The following KIAA0408 variants were observed in gnomAD, a reference collection of about 807,000 sequenced individuals.
KIAA0408 encodes uncharacterized protein KIAA0408.
KIAA0408 carries 51 observed loss-of-function variants against 60.9 expected under a neutral mutation model. That is an observed-to-expected ratio of 0.84 (90% confidence interval 0.67 to 1.06). The LOEUF (loss-of-function observed/expected upper bound fraction) is 1.06. KIAA0408 is among the 50% of genes least tolerant of loss of function. The probability of loss-of-function intolerance (pLI) is 0.00; values close to 1 mark genes in which losing one functional copy is unlikely to be tolerated. For synonymous variants in KIAA0408, 304 were observed against 282.4 expected (o/e 1.08, Z -0.77); for missense variants, 787 against 833.9 (o/e 0.94, Z 0.69).
chr6:127,453,462 A>G (rs1040158526), intron 2 of KIAA0408, among the ~76,000 whole-genome samples: 4 of 152,028 alleles, frequency 2.6e-5, no homozygotes, highest in Non-Finnish European at 5.9e-5. Flanking sequence ...GGAAAGATCT[A>G]TGTTCTAATG....
In KIAA0408 at chr6:127,453,907, A is replaced by T. The variant is rs1773345951; in HGVS notation, c.75T>A (p.Phe25Leu). Residue 25 changes from phenylalanine (F) to leucine (L), a missense_variant, in exon 2 of 6, where the codon TTT becomes TTA. Phe to Leu is a conservative substitution (Grantham distance 22, BLOSUM62 0). Coordinates refer to ENST00000483725, the MANE Select transcript of KIAA0408 (RefSeq NM_014702.5). ...HKEKMELLDQ[F>L]DNERKEWESQ... ...TTTCCCATTCCTTTCTTTCATTGTC[A>T]AACTGGTCCAGTAATTCCATCTTTT... The T allele has an allele frequency of 3.1e-6, 5 of 1,612,852 alleles. No individual in the cohort carries two copies. In the South Asian group the frequency reaches 5.5e-5, roughly 18 times the overall value.
chr6:127,453,185 T>C (rs1773331502), intron 2 of KIAA0408, among the ~76,000 whole-genome samples: 2 of 152,068 alleles, frequency 1.3e-5, no homozygotes, highest in South Asian at 2.1e-4. Context: ...AGCTTGAATA[T>C]ACATCAATGC....
chr6:127,451,456 C>T (rs371103864), intron 2 of KIAA0408: 7 of 353,292 alleles, frequency 2.0e-5, no homozygotes, highest in Middle Eastern at 4.2e-4. Flanking sequence ...TGAACTTCTG[C>T]GGGCATTATG....
intron 1 of KIAA0408, among the ~76,000 whole-genome samples, chr6:127,458,015 A>G (rs1435591790): frequency 6.6e-6 from 1 of 152,164 alleles, no homozygotes; most frequent in Non-Finnish European, 1.5e-5. Context: ...TTTTCACATA[A>G]TTAAAGATTT....
At chr6:127,444,716 A>G (rs188358604) in intron 5 of KIAA0408, among the ~76,000 whole-genome samples, 282 of 152,214 alleles carry the variant, frequency 1.9e-3, no homozygotes, top group African/African-American at 6.6e-3. Flanking sequence ...TTTAGAGGTG[A>G]TACGCAAAAG....
In KIAA0408 at chr6:127,450,033, G is replaced by A; in HGVS notation, c.455C>T (p.Thr152Ile). The change falls in exon 3 of 6, where the codon ACT becomes ATT. Residue 152 changes from threonine to isoleucine, a missense_variant. Physicochemically the swap from Thr to Ile is moderately conservative, Grantham distance 89. This residue lies in a region of KIAA0408 where 640 missense variants were observed against 681.3 expected (regional missense o/e 0.94). Transcript: ENST00000483725. ...KECEAWPDLR[T>I]SEEDSKSCSG... ...ACAGCTCTTGCTGTCTTCCTCAGAA[G>A]TCCTCAGGTCAGGCCAGGCCTCACA... The A allele has an allele frequency of 1.9e-6, 3 of 1,614,010 alleles. No homozygotes were observed. Among genetic ancestry groups the A allele is most frequent in the Non-Finnish European group, 2.5e-6 (3 of 1,179,970 alleles).
Position 127,446,832 on chromosome 6 carries a change from T to C in KIAA0408, c.1487A>G (p.Lys496Arg). 2 of 1,614,006 alleles carry C rather than the reference T, an allele frequency of 1.2e-6. No homozygotes were observed. The highest frequency in any genetic ancestry group is 2.7e-5 in the African/African-American group (2 of 75,042). The part of the protein sequence containing the change: ...SQSNDVSGIW[K>R]TNAHMPVPME... ...GGGCACAGGCATGTGGGCATTGGTT[T>C]TCCAAATACCGGACACATCGTTACT... The change falls in exon 5 of 6, where the codon AAA becomes AGA. Residue 496 changes from lysine (K) to arginine (R), a missense_variant. Lys to Arg is a conservative substitution (Grantham distance 26, BLOSUM62 2). This residue lies in a region of KIAA0408 where 640 missense variants were observed against 681.3 expected (regional missense o/e 0.94). Transcript: ENST00000483725.
chr6:127,449,901 C>G lies in KIAA0408; in HGVS notation c.499G>C (p.Ala167Pro), dbSNP rs150793663. 1.2e-5 allele frequency: 20 copies of G among 1,613,866 alleles called. No homozygotes were observed. The African/African-American group carries it at 2.1e-4, about 17-fold the overall frequency. Reference sequence around the variant, plus strand: ...CTCACCTTCGCAAGTTCTTCAAGAGCCTTTACACATATAAGCAACAGCCCG... The same window carrying G: ...CTCACCTTCGCAAGTTCTTCAAGAGGCTTTACACATATAAGCAACAGCCCG... ...SKSCSGALST[A>P]LEELAKVSEE... Residue 167 changes from alanine (A) to proline (P), a missense_variant and splice_region_variant, in exon 4 of 6, where the codon GCT becomes CCT. Ala to Pro is a conservative substitution (Grantham distance 27). Coordinates refer to ENST00000483725, the MANE Select transcript of KIAA0408 (RefSeq NM_014702.5).
chr6:127,445,020 T>C (rs936319085), intron 5 of KIAA0408, among the ~76,000 whole-genome samples: 3 of 152,202 alleles, frequency 2.0e-5, no homozygotes, highest in African/African-American at 7.2e-5. Flanking sequence ...CTTTATACAC[T>C]TGGTTCTTAT....
intron 1 of KIAA0408, 105 bp from the exon 2 acceptor site, chr6:127,454,206 G>A: frequency 8.9e-7 from 1 of 1,117,602 alleles, no homozygotes; most frequent in Non-Finnish European, 1.1e-6. Context: ...AGGAAAATTG[G>A]ACTCAAAAGA....
rs1773350002 is a variant in KIAA0408, at chr6:127,454,117, CAA to C, written c.-120-18_-120-17del. The C allele has an allele frequency of 1.5e-6, 2 of 1,356,650 alleles. No homozygotes were observed. The highest frequency in any genetic ancestry group is 2.3e-5 in the South Asian group (1 of 42,928). The allele number at this position is 1,356,650 out of a possible 1,614,324, so 84.0% of individuals were successfully genotyped here. ...AAAATAAAGCCTAATATAAACATAA[CAA>C]GAGAGAGTTCCAAATCCATGTGCTT... On this transcript the variant is annotated splice_polypyrimidine_tract_variant and intron_variant, in intron 1 of 5. Transcript: ENST00000483725.
Position 127,453,984 on chromosome 6 carries a change from C to A in KIAA0408, c.-3G>T, listed in dbSNP as rs778853010. 19 of 1,611,294 alleles carry A rather than the reference C, an allele frequency of 1.2e-5. No individual in the cohort carries two copies. In the Admixed American group the frequency reaches 3.2e-4, roughly 27 times the overall value. On this transcript the variant is annotated 5_prime_UTR_variant, in exon 2 of 6. Transcript: ENST00000483725. The stretch of plus-strand genomic sequence containing the variant: ...TCCCACTGCTTATGTAGGTCCATGG[C>A]AACAGTGTAAGTGTCAGCAAAGAAG...
Position 127,447,629 on chromosome 6 carries a change from T to G in KIAA0408, c.690A>C (p.Glu230Asp). 6.2e-7 allele frequency: 1 copy of G among 1,612,948 alleles called. No homozygotes were observed. The highest frequency in any genetic ancestry group is 2.2e-5 in the East Asian group (1 of 44,860). ...TCAGATTCTTCCTGTTTTTCTGTTT[T>G]TCTTTTTCTAAACTGATTGGAAGAA... ...QCILPISLEK[E>D]KQKNRKNLSC... Residue 230 changes from glutamate (E) to aspartate (D), a missense_variant, in exon 5 of 6, where the codon GAA becomes GAC. By Grantham distance (45) the Glu-to-Asp change is conservative. Around this residue, in one of 3 missense-constraint regions of KIAA0408, gnomAD observed 640 missense variants for 681.3 expected, o/e 0.94. Coordinates refer to ENST00000483725, the MANE Select transcript of KIAA0408 (RefSeq NM_014702.5).
At position 127,447,578 on chromosome 6, in the gene KIAA0408, A is replaced by G. The variant is rs1177802087; in HGVS notation, c.741T>C (p.Asn247=). 17 of 1,611,616 alleles carry G rather than the reference A, an allele frequency of 1.1e-5. No homozygotes were observed. The highest frequency in any genetic ancestry group is 1.4e-5 in the Non-Finnish European group (17 of 1,179,386). The change falls in exon 5 of 6, where the codon AAT becomes AAC. Residue 247 remains asparagine, a synonymous_variant. Coordinates refer to ENST00000483725, the MANE Select transcript of KIAA0408 (RefSeq NM_014702.5). ...TATCAATTCCACATTTTTTCGTAGA[A>G]TTGCTCTGGAGCACATTGGTACAGC... ...NLSCTNVLQS[N]STKKCGIDTI...
In KIAA0408 at chr6:127,454,054, T is replaced by C. The variant is rs1773349408; in HGVS notation, c.-73A>G. On this transcript the variant is annotated 5_prime_UTR_variant, in exon 2 of 6. Coordinates refer to ENST00000483725, the MANE Select transcript of KIAA0408 (RefSeq NM_014702.5). ...CTCCTCTTAACTGTTTCTTGGAAGC[T>C]TGAAGTTGTTTTATTTGAAGCAGTC... The C allele has an allele frequency of 1.3e-6, 2 of 1,501,592 alleles. No homozygotes were observed. The highest frequency in any genetic ancestry group is 1.8e-6 in the Non-Finnish European group (2 of 1,126,890). 93.0% of individuals were successfully genotyped at this position (1,501,592 alleles called of 1,614,324 possible). A position where few individuals can be genotyped will look rare whatever the true frequency, so the allele number is the denominator to read the frequency against.
rs1562371039 is a variant in KIAA0408, at chr6:127,450,108, TTTTTTGTTGC to T, written c.370_379del (p.Ala124AsnfsTer4). 2 of 1,614,132 alleles carry T rather than the reference TTTTTTGTTGC, an allele frequency of 1.2e-6. No individual in the cohort carries two copies. The highest frequency in any genetic ancestry group is 1.1e-5 in the South Asian group (1 of 91,088). On this transcript the variant is annotated frameshift_variant, in exon 3 of 6. Transcript: ENST00000483725. LOFTEE classifies it high-confidence loss of function. ...AGGATCCAAAAACCCTACTTTTGAT[TTTTTTGTTGC>T]TTTTTGTTCCTTACACATTTGATTT... is the stretch of plus-strand genomic sequence containing the variant.
At position 127,438,815 on chromosome 6, in the gene KIAA0408, T is replaced by G. The variant is rs1773060433; in HGVS notation, c.*5294A>C. On this transcript the variant is annotated 3_prime_UTR_variant, in exon 6 of 6. Transcript: ENST00000483725. ...CATGTGACTGTAATTTTGAGTGAGG[T>G]TTATATTGGAAATTACTGTATGCTT... 1 of 152,200 alleles carries G rather than the reference T, an allele frequency of 6.6e-6. No individual in the cohort carries two copies. The highest frequency in any genetic ancestry group is 1.5e-5 in the Non-Finnish European group (1 of 68,032). The allele number at this position is 152,200 out of a possible 1,614,324, so 9.4% of individuals were successfully genotyped here.
rs1360392576 is a variant in KIAA0408 at position 127,440,285 on chromosome 6, T to C, written c.*3824A>G. On this transcript the variant is annotated 3_prime_UTR_variant, in exon 6 of 6. Coordinates refer to ENST00000483725, the MANE Select transcript of KIAA0408 (RefSeq NM_014702.5). The stretch of plus-strand genomic sequence containing the variant: ...CAAAGCACATTTTCTTGTAGGAACA[T>C]ATTTTCAGGGTGAGATGAACAAGTC... 6.6e-6 allele frequency: 1 copy of C among 151,798 alleles called. No homozygotes were observed. Among genetic ancestry groups the C allele is most frequent in the African/African-American group, 2.4e-5 (1 of 41,376 alleles). The allele number at this position is 151,798 out of a possible 1,614,324, so 9.4% of individuals were successfully genotyped here. A position where few individuals can be genotyped will look rare whatever the true frequency, so the allele number is the denominator to read the frequency against.
In KIAA0408 at chr6:127,447,573, G is replaced by A. The variant is rs146595636; in HGVS notation, c.746C>T (p.Thr249Met). The change falls in exon 5 of 6, where the codon ACG (threonine) becomes ATG (methionine). Residue 249 changes from threonine to methionine, a missense_variant. Transcript: ENST00000483725. ...SCTNVLQSNS[T>M]KKCGIDTIDL... Reference sequence around the variant, plus strand: ...GATTGTATCAATTCCACATTTTTTCGTAGAATTGCTCTGGAGCACATTGGT... The same window carrying A: ...GATTGTATCAATTCCACATTTTTTCATAGAATTGCTCTGGAGCACATTGGT... 380 of 1,610,190 alleles carry A rather than the reference G, an allele frequency of 2.4e-4. 1 individual carries two copies. The African/African-American group carries it at 2.5e-3, about 11-fold the overall frequency.
Sources: gnomAD v4.1 joint callset for allele counts (sites outside exome capture counted in the v4.1 genomes callset) on GRCh38, gnomAD v4.1.1 for gene constraint, gnomAD v4.1.1 regional missense constraint, MANE v1.5 for transcripts, NCBI Gene and HGNC (gene_info 2026-07-23, HGNC 2026-07-21) for gene names.